The following TNNI3K variants were observed in gnomAD, a reference collection of about 807,000 sequenced individuals.
TNNI3K encodes the protein serine/threonine-protein kinase TNNI3K.
Under a neutral mutation model 114.5 loss-of-function variants are expected in TNNI3K, and 140 were observed. That is an observed-to-expected ratio of 1.22 (90% CI 1.07 to 1.41). The LOEUF (loss-of-function observed/expected upper bound fraction) is 1.41. Among genes scored for constraint, TNNI3K ranks in the 40% most tolerant of loss-of-function variants. The pLI, the probability that TNNI3K is intolerant of heterozygous loss-of-function variation, is 0.00. For synonymous variants in TNNI3K, 347 were observed against 347.5 expected (o/e 1.00, Z 0.02); for missense variants, 1,125 against 1,007.6 (o/e 1.12, Z -1.58).
chr1:74,243,724 A>T (rs1332059926), intron 2 of TNNI3K, among the ~76,000 whole-genome samples: 3 of 152,208 alleles, frequency 2.0e-5, no homozygotes, highest in African/African-American at 7.2e-5. Context: ...CAAGAAAGAA[A>T]GTAACCTTTG....
At chr1:74,348,342 G>C (rs146140612) in intron 9 of TNNI3K, among the ~76,000 whole-genome samples, 3,230 of 152,244 alleles carry the variant, frequency 0.021, 127 homozygotes, top group African/African-American at 0.073. Context: ...GCTCTGTTCT[G>C]TTCCATTGGT....
At chr1:74,352,267 T>G (rs1018314965) in intron 9 of TNNI3K, among the ~76,000 whole-genome samples, 5 of 152,302 alleles carry the variant, frequency 3.3e-5, no homozygotes, top group South Asian at 4.1e-4. Context: ...TCAGCAGTGG[T>G]GGCTGCAGAA....
chr1:74,431,729 A>G (rs1349130383), intron 17 of TNNI3K, among the ~76,000 whole-genome samples: 1 of 152,124 alleles, frequency 6.6e-6, no homozygotes, highest in Admixed American at 6.6e-5. Flanking sequence ...CGTGATCAAA[A>G]GGAGCAATAA....
At chr1:74,474,516 T>A (rs1434468492) in intron 21 of TNNI3K, among the ~76,000 whole-genome samples, 3 of 152,182 alleles carry the variant, frequency 2.0e-5, no homozygotes, top group South Asian at 4.1e-4. Flanking sequence ...ATACAGCACC[T>A]CTGTCATTCA....
At chr1:74,249,284 C>G (rs565328769) in intron 2 of TNNI3K, among the ~76,000 whole-genome samples, 175 bp from the exon 3 acceptor site, 1 of 152,020 alleles carries the variant, frequency 6.6e-6, no homozygotes, top group African/African-American at 2.4e-5. Context: ...AGAATTTCCT[C>G]TCAATTTTAA....
chr1:74,488,868 T>C (rs1302042051), intron 21 of TNNI3K, among the ~76,000 whole-genome samples: 1 of 152,178 alleles, frequency 6.6e-6, no homozygotes, highest in African/African-American at 2.4e-5. Flanking sequence ...TAGTTTTTAG[T>C]ATTCACTATT....
At chr1:74,489,491 G>C (rs1668939717) in intron 22 of TNNI3K, among the ~76,000 whole-genome samples, 1 of 152,180 alleles carries the variant, frequency 6.6e-6, no homozygotes, top group Admixed American at 6.6e-5. Flanking sequence ...AATGGACACA[G>C]TCATGCTCAG....
rs960907690 is a variant in TNNI3K, at chr1:74,472,047, A to G, written c.2121+8497A>G. 1.5e-5 allele frequency: 11 copies of G among 711,714 alleles called. No individual in the cohort carries two copies. In the African/African-American group the frequency reaches 1.9e-4, roughly 13 times the overall value. The allele number at this position is 711,714 out of a possible 1,614,324, so 44.1% of individuals were successfully genotyped here. ...CACAAGGCTTGGATGATGAGCTTGT[A>G]ATAAAATGTCTTTGCCTATGAGGGT... On this transcript the variant is annotated intron_variant, in intron 21 of 24. Transcript: ENST00000326637.
At chr1:74,456,737 C>A (rs965260233) in intron 20 of TNNI3K, among the ~76,000 whole-genome samples, 2 of 152,146 alleles carry the variant, frequency 1.3e-5, no homozygotes, top group Non-Finnish European at 2.9e-5. Flanking sequence ...TAATGCCAGG[C>A]TCTTAGTAGT....
intron 5 of TNNI3K, among the ~76,000 whole-genome samples, chr1:74,281,831 C>G (rs551421403): frequency 1.3e-5 from 2 of 151,986 alleles, no homozygotes; most frequent in African/African-American, 4.8e-5. Flanking sequence ...TTAGATGAGT[C>G]TTTTGGAACT....
chr1:74,478,162 A>T (rs1345878635), intron 21 of TNNI3K, among the ~76,000 whole-genome samples: 1 of 152,232 alleles, frequency 6.6e-6, no homozygotes, highest in Non-Finnish European at 1.5e-5. Flanking sequence ...CGTGTGCTTC[A>T]GAAAGAGTGG....
intron 5 of TNNI3K, among the ~76,000 whole-genome samples, chr1:74,303,240 C>A (rs1658432010): frequency 6.6e-6 from 1 of 152,158 alleles, no homozygotes; most frequent in African/African-American, 2.4e-5. Flanking sequence ...TCTGCCCAAG[C>A]TGGAGTGAAG....
intron 17 of TNNI3K, among the ~76,000 whole-genome samples, chr1:74,395,743 G>C (rs1664044318): frequency 6.6e-6 from 1 of 152,190 alleles, no homozygotes. Flanking sequence ...TGAGTACACA[G>C]GGAAAAGCTC....
intron 7 of TNNI3K, among the ~76,000 whole-genome samples, chr1:74,338,292 G>A (rs1660582220): frequency 6.6e-6 from 1 of 151,744 alleles, no homozygotes. Context: ...GAAAGCTTTA[G>A]AATACATAGA....
intron 11 of TNNI3K, among the ~76,000 whole-genome samples, chr1:74,354,864 A>T (rs761597687): frequency 6.6e-6 from 1 of 152,228 alleles, no homozygotes; most frequent in Admixed American, 6.5e-5. Flanking sequence ...TTTTAGTGTG[A>T]TAACAGTGGG....
chr1:74,495,704 C>T (rs184303873), intron 23 of TNNI3K, among the ~76,000 whole-genome samples: 6 of 152,210 alleles, frequency 3.9e-5, no homozygotes, highest in Non-Finnish European at 8.8e-5. Flanking sequence ...AGTAAGTAAG[C>T]AAAGCTGGAA....
intron 4 of TNNI3K, among the ~76,000 whole-genome samples, chr1:74,265,965 T>C (rs1655956369): frequency 6.6e-6 from 1 of 152,074 alleles, no homozygotes; most frequent in Admixed American, 6.6e-5. Context: ...ATTGAATTAT[T>C]TATTCATTTT....
intron 23 of TNNI3K, among the ~76,000 whole-genome samples, chr1:74,537,432 T>C (rs1362063364): frequency 1.3e-5 from 2 of 152,192 alleles, no homozygotes; most frequent in Non-Finnish European, 2.9e-5. Flanking sequence ...ACATCTCTAC[T>C]CTATAGCTTA....
chr1:74,456,298 T>C (rs1021616823), intron 20 of TNNI3K, among the ~76,000 whole-genome samples: 10 of 152,058 alleles, frequency 6.6e-5, no homozygotes, highest in African/African-American at 2.4e-4. Context: ...TAATGATGGA[T>C]ACAAGAAAAG....
Sources: allele counts gnomAD v4.1 joint callset (sites outside exome capture counted in the v4.1 genomes callset), GRCh38; gene constraint gnomAD v4.1.1; transcripts MANE v1.5; gene names NCBI Gene and HGNC (gene_info 2026-07-23, HGNC 2026-07-21).